Variants in MIS18BP1 observed in about 807,000 individuals in gnomAD.
MIS18BP1 encodes MIS18 binding protein 1.
MIS18BP1 carries 72 observed loss-of-function variants against 116.1 expected under a neutral mutation model. The observed-to-expected ratio is 0.62, with a 90% CI of 0.51 to 0.75. The LOEUF (loss-of-function observed/expected upper bound fraction) is 0.75. Ranked by LOEUF, MIS18BP1 falls within the 30% of genes least tolerant of loss-of-function variation. MIS18BP1 has a pLI of 0.00. For synonymous variants in MIS18BP1, 386 were observed against 427.0 expected (o/e 0.90, Z 1.18); for missense variants, 1,363 against 1,303.2 (o/e 1.05, Z -0.71).
In MIS18BP1 at chr14:45,242,763, T is replaced by G. The variant is rs773771039; in HGVS notation, c.656A>C (p.Tyr219Ser). 1 of 1,600,716 alleles carries G rather than the reference T, an allele frequency of 6.2e-7. No homozygotes were observed. The highest frequency in any genetic ancestry group is 1.1e-5 in the South Asian group (1 of 88,556). The change falls in exon 3 of 17, where the codon TAC (tyrosine) becomes TCC (serine). Residue 219 changes from tyrosine to serine, a missense_variant and splice_region_variant. Coordinates refer to ENST00000310806, the MANE Select transcript of MIS18BP1 (RefSeq NM_018353.5). ...AAAACAAACCAAAAATAGTTTACCG[T>G]AAGTTAAATTGTGCAGTGGTGCTTT... is the stretch of plus-strand genomic sequence containing the variant. The part of the protein sequence containing the change: ...EKKAPLHNLT[Y>S]ELPTLNQEQE...
rs754242814 is a variant in MIS18BP1, at chr14:45,227,672, T to A, written c.1737A>T (p.Leu579Phe). Residue 579 changes from leucine to phenylalanine, a missense_variant, in exon 9 of 17, where the codon TTA (leucine) becomes TTT (phenylalanine). Physicochemically the swap from Leu to Phe is conservative, Grantham distance 22. Transcript: ENST00000310806. The part of the protein sequence containing the change: ...NTIQNGGGDD[L>F]SNQELIGKKE... ...TACAATAAAGCCTTACCTGATTAGA[T>A]AAGTCATCTCCTCCTCCATTTTGAA... is the stretch of plus-strand genomic sequence containing the variant. The A allele has an allele frequency of 3.7e-6, 6 of 1,612,548 alleles. No individual in the cohort carries two copies. The highest frequency in any genetic ancestry group is 5.1e-6 in the Non-Finnish European group (6 of 1,178,728).
intron 13 of MIS18BP1, 90 bp from the exon 14 acceptor site, chr14:45,210,618 TTC>T (rs1165791635): frequency 6.7e-7 from 1 of 1,493,158 alleles, no homozygotes; most frequent in African/African-American, 1.4e-5. Context: ...GATAAGTTGG[TTC>T]TTCTTGTAAC....
chr14:45,208,330 G>GTTTTTTT (rs1166566812), intron 14 of MIS18BP1, among the ~76,000 whole-genome samples: 2 of 120,942 alleles, frequency 1.7e-5, no homozygotes, highest in Non-Finnish European at 1.7e-5. Flanking sequence ...GGATGAAGTT[G>GTTTTTTT]TTTTTTTTTT....
chr14:45,215,314 T>C (rs1890785518), intron 13 of MIS18BP1, among the ~76,000 whole-genome samples: 1 of 152,200 alleles, frequency 6.6e-6, no homozygotes, highest in African/African-American at 2.4e-5. Context: ...GACAAGAAAT[T>C]GGTAGATGAA....
At chr14:45,210,308 C>T in intron 14 of MIS18BP1, 72 bp downstream of exon 14, 1 of 1,467,088 alleles carries the variant, frequency 6.8e-7, no homozygotes, top group Non-Finnish European at 9.3e-7. Flanking sequence ...ATCTATGGTC[C>T]TCATGAAATG....
chr14:45,209,609 G>A (rs955529854), intron 14 of MIS18BP1, among the ~76,000 whole-genome samples: 9 of 152,164 alleles, frequency 5.9e-5, no homozygotes, highest in African/African-American at 1.9e-4. Flanking sequence ...TTCAGCCACT[G>A]TGCCTGGCTC....
At chr14:45,230,348 A>G (rs1891241261) in intron 8 of MIS18BP1, among the ~76,000 whole-genome samples, 1 of 152,174 alleles carries the variant, frequency 6.6e-6, no homozygotes, top group South Asian at 2.1e-4. Context: ...AAAAAGAGAG[A>G]GGAAAAAAAG....
At chr14:45,225,568 T>A (rs1891102830) in intron 10 of MIS18BP1, among the ~76,000 whole-genome samples, 1 of 152,176 alleles carries the variant, frequency 6.6e-6, no homozygotes, top group Non-Finnish European at 1.5e-5. Flanking sequence ...GAACTCCATC[T>A]GCATGGTTCC....
chr14:45,233,740 A>G (rs1891349830), intron 6 of MIS18BP1, among the ~76,000 whole-genome samples: 1 of 152,228 alleles, frequency 6.6e-6, no homozygotes, highest in South Asian at 2.1e-4. Flanking sequence ...GCTACTGGAC[A>G]CATGGAAAGA....
rs1396248395 is a variant in MIS18BP1 at position 45,203,505 on chromosome 14, A to G, written c.*604T>C. 1 of 152,148 alleles carries G rather than the reference A, an allele frequency of 6.6e-6. No homozygotes were observed. Among genetic ancestry groups the G allele is most frequent in the African/African-American group, 2.4e-5 (1 of 41,444 alleles). 9.4% of individuals were successfully genotyped at this position (152,148 alleles called of 1,614,324 possible). A position where few individuals can be genotyped will look rare whatever the true frequency, so the allele number is the denominator to read the frequency against. ...AATTTTACCTAGTAAAATAATGGTA[A>G]AGCAATAAACTAAATTTACAAAGGT... On this transcript the variant is annotated 3_prime_UTR_variant, in exon 17 of 17. Coordinates refer to ENST00000310806, the MANE Select transcript of MIS18BP1 (RefSeq NM_018353.5).
intron 8 of MIS18BP1, among the ~76,000 whole-genome samples, chr14:45,229,092 C>A (rs1217715920): frequency 6.7e-6 from 1 of 148,994 alleles, no homozygotes; most frequent in South Asian, 2.1e-4. Flanking sequence ...GCAATCATAA[C>A]AGAATATATT....
chr14:45,246,233 T>C (rs984589016), intron 2 of MIS18BP1, among the ~76,000 whole-genome samples: 6 of 152,200 alleles, frequency 3.9e-5, no homozygotes, highest in African/African-American at 1.4e-4. Context: ...TACATTTACC[T>C]ACAAGGCCCT....
intron 1 of MIS18BP1, among the ~76,000 whole-genome samples, chr14:45,249,248 C>G (rs1416571691): frequency 6.6e-6 from 1 of 152,084 alleles, no homozygotes; most frequent in Non-Finnish European, 1.5e-5. Context: ...CATGCCACCC[C>G]ACCCGGCTAA....
chr14:45,215,144 T>C (rs1230480467), intron 13 of MIS18BP1, among the ~76,000 whole-genome samples: 1 of 152,228 alleles, frequency 6.6e-6, no homozygotes. Context: ...CAACCCCTAG[T>C]GGACCATAGC....
chr14:45,248,979 C>T (rs544934267), intron 1 of MIS18BP1, among the ~76,000 whole-genome samples: 1 of 152,270 alleles, frequency 6.6e-6, no homozygotes, highest in Admixed American at 6.5e-5. Context: ...GATCAGGGCT[C>T]CCTGCAACCT....
chr14:45,240,363 T>G (rs1891542217), intron 4 of MIS18BP1, among the ~76,000 whole-genome samples: 2 of 152,138 alleles, frequency 1.3e-5, no homozygotes, highest in African/African-American at 2.4e-5. Flanking sequence ...GAAAGACATT[T>G]TGGGGCCAGG....
Position 45,231,168 on chromosome 14 carries a change from T to C in MIS18BP1, c.1567A>G (p.Thr523Ala), listed in dbSNP as rs1387760876. ...QTDTAQRATT[T>A]YDFDCDNLEL... The stretch of plus-strand genomic sequence containing the variant: ...AAATTATCACAATCAAAATCGTAAG[T>C]GGTGGTGGCTCTTTGAGCAGTATCT... The change falls in exon 8 of 17, where the codon ACT becomes GCT. Residue 523 changes from threonine to alanine, a missense_variant. Thr to Ala is a moderately conservative substitution (Grantham distance 58). Transcript: ENST00000310806. The C allele has an allele frequency of 6.8e-6, 11 of 1,613,214 alleles. No homozygotes were observed. The highest frequency in any genetic ancestry group is 2.2e-5 in the East Asian group (1 of 44,864).
intron 15 of MIS18BP1, among the ~76,000 whole-genome samples, chr14:45,205,591 G>A (rs1890492682): frequency 6.6e-6 from 1 of 152,028 alleles, no homozygotes; most frequent in African/African-American, 2.4e-5. Context: ...AAATTTTTCT[G>A]TAGTTGGATT....
In MIS18BP1 at chr14:45,210,665, A is replaced by T. The variant is rs1212155058; in HGVS notation, c.3004-137T>A. 7 of 960,222 alleles carry T rather than the reference A, an allele frequency of 7.3e-6. No homozygotes were observed. The East Asian group carries it at 1.8e-4, about 24-fold the overall frequency. 59.5% of individuals were successfully genotyped at this position (960,222 alleles called of 1,614,324 possible). A position where few individuals can be genotyped will look rare whatever the true frequency, so the allele number is the denominator to read the frequency against. Reference sequence around the variant, plus strand: ...TAGATAATTAAAAACAGTAGTACGTAGAGGAGTAGAGGCTAGAGGAACTCC... The same window carrying T: ...TAGATAATTAAAAACAGTAGTACGTTGAGGAGTAGAGGCTAGAGGAACTCC... On this transcript the variant is annotated intron_variant, in intron 13 of 16. Coordinates refer to ENST00000310806, the MANE Select transcript of MIS18BP1 (RefSeq NM_018353.5).
Sources: allele counts gnomAD v4.1 joint callset (sites outside exome capture counted in the v4.1 genomes callset), GRCh38; gene constraint gnomAD v4.1.1; transcripts MANE v1.5; gene names NCBI Gene and HGNC (gene_info 2026-07-23, HGNC 2026-07-21).